The following PDGFD variants were observed in gnomAD, a reference collection of about 807,000 sequenced individuals.
PDGFD encodes the protein platelet-derived growth factor D.
PDGFD carries 30 observed loss-of-function variants against 44.7 expected under a neutral mutation model. That is an observed-to-expected ratio of 0.67 (90% CI 0.50 to 0.91). PDGFD has a LOEUF of 0.91. PDGFD is among the 40% of genes least tolerant of loss of function. The pLI is 0.00. For missense variants in PDGFD, 445 were observed against 457.8 expected, an observed-to-expected ratio of 0.97 and a Z score of 0.25; for synonymous variants, 173 against 168.4, an observed-to-expected ratio of 1.03 and a Z score of -0.21.
chr11:103,928,405 C>A (rs558170338), intron 5 of PDGFD, among the ~76,000 whole-genome samples: 114 of 152,236 alleles, frequency 7.5e-4, no homozygotes, highest in Non-Finnish European at 1.2e-3. Flanking sequence ...AAACTCTAGC[C>A]CTGGTAAATG....
chr11:104,150,919 A>T lies in PDGFD; in HGVS notation c.124+12885T>A, dbSNP rs79081242. Among the ~76,000 whole-genome samples the T allele has an allele frequency of 8.3e-4, 127 of 152,330 alleles. No homozygotes were observed. The Middle Eastern group carries it at 0.017, about 20-fold the overall frequency. ...CATTTAAAGTTTCCAGAATTAGGAC[A>T]TGATACCATTGGGGTCATTATTCAG... On this transcript the variant is annotated intron_variant, in intron 1 of 6. Coordinates refer to ENST00000393158, the MANE Select transcript of PDGFD (RefSeq NM_025208.5).
intron 1 of PDGFD, among the ~76,000 whole-genome samples, chr11:104,132,118 C>T (rs750467334): frequency 1.1e-4 from 17 of 152,016 alleles, no homozygotes; most frequent in Non-Finnish European, 2.2e-4. Context: ...ATAAAACTCT[C>T]TCTTTTTATT....
rs184335872 is a variant in PDGFD, at chr11:103,972,178, C to T, written c.510+23887G>A. 6.6e-5 allele frequency among the ~76,000 whole-genome samples: 10 copies of T among 152,254 alleles called. 1 individual carries two copies. In the East Asian group the frequency reaches 1.2e-3, roughly 18 times the overall value. On this transcript the variant is annotated intron_variant, in intron 3 of 6. Coordinates refer to ENST00000393158, the MANE Select transcript of PDGFD (RefSeq NM_025208.5). ...CTCAAACTCAGCATTATTTACACTT[C>T]GGGTTGAATAAGTATTTGCTAGAGT...
chr11:103,975,098 T>G (rs913786515), intron 3 of PDGFD, among the ~76,000 whole-genome samples: 2 of 152,210 alleles, frequency 1.3e-5, no homozygotes, highest in African/African-American at 4.8e-5. Context: ...TTGAACTAAT[T>G]TACACTCCCA....
intron 1 of PDGFD, among the ~76,000 whole-genome samples, chr11:104,148,151 A>C (rs1380328283): frequency 2.0e-5 from 3 of 152,188 alleles, no homozygotes; most frequent in Non-Finnish European, 4.4e-5. Flanking sequence ...GAATACATGA[A>C]AATAACTAGC....
intron 6 of PDGFD, among the ~76,000 whole-genome samples, chr11:103,917,507 A>T (rs1437967969): frequency 2.0e-5 from 3 of 151,514 alleles, no homozygotes; most frequent in Admixed American, 6.6e-5. Context: ...ATTTTGTCCC[A>T]TTTTCCTTTT....
At chr11:103,952,599 T>TTGTCCAGCATCTCCCAAC (rs1237048978) in intron 3 of PDGFD, among the ~76,000 whole-genome samples, 1 of 152,060 alleles carries the variant, frequency 6.6e-6, no homozygotes, top group Non-Finnish European at 1.5e-5. Context: ...GCCAAATGAG[T>TTGTCCAGCATCTCCCAAC]TGTCCAGCAT....
intron 1 of PDGFD, among the ~76,000 whole-genome samples, chr11:104,124,502 A>C (rs1374374829): frequency 1.3e-5 from 2 of 152,106 alleles, no homozygotes; most frequent in Admixed American, 1.3e-4. Context: ...ACGTGTAAAT[A>C]TTATAAATGC....
intron 3 of PDGFD, among the ~76,000 whole-genome samples, chr11:103,966,591 C>T (rs1262052204): frequency 6.6e-6 from 1 of 152,174 alleles, no homozygotes; most frequent in Non-Finnish European, 1.5e-5. Flanking sequence ...GGATCGAAAG[C>T]TGATGATTTA....
chr11:104,028,288 A>G (rs1860076502), intron 1 of PDGFD, among the ~76,000 whole-genome samples: 1 of 151,990 alleles, frequency 6.6e-6, no homozygotes, highest in African/African-American at 2.4e-5. Context: ...TAAAAAATCC[A>G]ATATCATAAA....
At chr11:104,125,954 C>T (rs550037075) in intron 1 of PDGFD, among the ~76,000 whole-genome samples, 1 of 152,196 alleles carries the variant, frequency 6.6e-6, no homozygotes, top group African/African-American at 2.4e-5. Context: ...GCATTTGTAA[C>T]CTCATACATA....
chr11:104,135,780 C>T (rs1001714958), intron 1 of PDGFD, among the ~76,000 whole-genome samples: 1 of 152,114 alleles, frequency 6.6e-6, no homozygotes, highest in Non-Finnish European at 1.5e-5. Context: ...TTTGGTCCTG[C>T]ACTTAATGAA....
chr11:104,076,816 TCTC>T (rs1358279010), intron 1 of PDGFD, among the ~76,000 whole-genome samples: 1 of 152,176 alleles, frequency 6.6e-6, no homozygotes, highest in Non-Finnish European at 1.5e-5. Context: ...TCTCTCTCCT[TCTC>T]CTTCCTCAGC....
intron 1 of PDGFD, among the ~76,000 whole-genome samples, chr11:104,151,354 T>C (rs1306720512): frequency 6.6e-6 from 1 of 152,188 alleles, no homozygotes; most frequent in Non-Finnish European, 1.5e-5. Context: ...TAGTACAAAG[T>C]AGTAAAACAG....
rs1056205 is a variant in PDGFD at position 103,909,367 on chromosome 11, G to C, written c.*327C>G. On this transcript the variant is annotated 3_prime_UTR_variant, in exon 7 of 7. Coordinates refer to ENST00000393158, the MANE Select transcript of PDGFD (RefSeq NM_025208.5). ...AAGAGTCTAACTCAAACATATGTAAGCTCTGGTGTACCTGGTTATATATAC... is the reference window on the plus strand; with the variant it reads ...AAGAGTCTAACTCAAACATATGTAACCTCTGGTGTACCTGGTTATATATAC... 0.45 allele frequency: 79,484 copies of C among 174,746 alleles called. 18,488 individuals are homozygous for C. The highest frequency in any genetic ancestry group is 0.52 in the African/African-American group (21,966 of 42,374). The allele number at this position is 174,746 out of a possible 1,614,324, so 10.8% of individuals were successfully genotyped here.
At position 104,145,476 on chromosome 11, in the gene PDGFD, T is replaced by A. The variant is rs1862149110; in HGVS notation, c.124+18328A>T. Among the ~76,000 whole-genome samples, 3 of 152,358 alleles carry A rather than the reference T, an allele frequency of 2.0e-5. No homozygotes were observed. The South Asian group carries it at 6.2e-4, about 32-fold the overall frequency. On this transcript the variant is annotated intron_variant, in intron 1 of 6. Transcript: ENST00000393158. The stretch of plus-strand genomic sequence containing the variant: ...ATGCATTTCTATAGCCAATTTCTGA[T>A]GAACTGCAAGTCTTTAAGTATGTCT...
chr11:104,035,755 C>T (rs1473253385), intron 1 of PDGFD, among the ~76,000 whole-genome samples: 1 of 152,034 alleles, frequency 6.6e-6, no homozygotes, highest in Non-Finnish European at 1.5e-5. Flanking sequence ...GAAATAACAG[C>T]CCTTGCCATA....
intron 5 of PDGFD, among the ~76,000 whole-genome samples, chr11:103,930,288 C>A (rs1320590444): frequency 6.6e-6 from 1 of 152,060 alleles, no homozygotes; most frequent in African/African-American, 2.4e-5. Context: ...TAGGTGCAGC[C>A]TAATCACAGA....
chr11:103,988,891 G>T (rs989199846), intron 3 of PDGFD, among the ~76,000 whole-genome samples: 2 of 152,146 alleles, frequency 1.3e-5, no homozygotes, highest in Non-Finnish European at 2.9e-5. Flanking sequence ...TCATGGAGAT[G>T]CATTCATGCA....
Sources: gnomAD v4.1 joint callset for allele counts (sites outside exome capture counted in the v4.1 genomes callset) on GRCh38, gnomAD v4.1.1 for gene constraint, MANE v1.5 for transcripts, NCBI Gene and HGNC (gene_info 2026-07-23, HGNC 2026-07-21) for gene names.